The following USP12 variants were observed in gnomAD, a reference collection of about 807,000 sequenced individuals.
The protein encoded by USP12 is ubiquitin carboxyl-terminal hydrolase 12.
A neutral mutation model predicts 45.5 loss-of-function variants in USP12; 19 were observed. That is an observed-to-expected ratio of 0.42 (90% CI 0.29 to 0.61). The LOEUF is 0.61. Among genes scored for constraint, USP12 ranks in the 20% least tolerant of loss-of-function variants. The pLI is 0.22. For synonymous variants in USP12, 149 were observed against 148.8 expected, an observed-to-expected ratio of 1.00 and a Z score of -0.01; for missense variants, 242 against 447.7, an observed-to-expected ratio of 0.54 and a Z score of 4.15.
chr13:27,073,419 G>A (rs1000582291), intron 7 of USP12, among the ~76,000 whole-genome samples: 1 of 152,214 alleles, frequency 6.6e-6, no homozygotes, highest in Non-Finnish European at 1.5e-5. Context: ...TGACTGTGGA[G>A]TTCAAGTTGG....
At chr13:27,106,712 T>TA (rs57629989) in intron 2 of USP12, among the ~76,000 whole-genome samples, 2,493 of 152,014 alleles carry the variant, frequency 0.016, 38 homozygotes, top group African/African-American at 0.038. Flanking sequence ...TTATTTTTTT[T>TA]AAAAAAATGA....
At chr13:27,093,181 A>G (rs1454848376) in intron 4 of USP12, among the ~76,000 whole-genome samples, 2 of 151,676 alleles carry the variant, frequency 1.3e-5, no homozygotes, top group Non-Finnish European at 2.9e-5. Context: ...GCGAAACTCC[A>G]TCTCAAAAAA....
At chr13:27,125,399 G>C (rs140787450) in intron 1 of USP12, among the ~76,000 whole-genome samples, 12 of 152,298 alleles carry the variant, frequency 7.9e-5, no homozygotes, top group African/African-American at 2.6e-4. Flanking sequence ...TCACAACACA[G>C]GATGTACTAT....
In USP12 at chr13:27,069,179, G is replaced by T; in HGVS notation, c.*104C>A. ...TGTGCAAAGTGTGCTACTGCCCCCT[G>T]AGCTTCCTGCATTTCTCTTTTCTTG... On this transcript the variant is annotated 3_prime_UTR_variant, in exon 9 of 9. Transcript: ENST00000282344. 2.1e-6 allele frequency: 2 copies of T among 953,284 alleles called. No homozygotes were observed. The highest frequency in any genetic ancestry group is 1.3e-5 in the South Asian group (1 of 74,220). 59.1% of individuals were successfully genotyped at this position (953,284 alleles called of 1,614,324 possible).
At chr13:27,143,099 G>GAAA (rs55973953) in intron 1 of USP12, among the ~76,000 whole-genome samples, 2 of 143,382 alleles carry the variant, frequency 1.4e-5, no homozygotes, top group African/African-American at 2.6e-5. Context: ...CTCAAAAAAA[G>GAAA]AAAAAAAAAA....
chr13:27,171,795 G>A lies in USP12; in HGVS notation c.-156C>T. The A allele has an allele frequency of 4.1e-6, 1 of 244,854 alleles. No individual in the cohort carries two copies. The highest frequency in any genetic ancestry group is 6.5e-6 in the Non-Finnish European group (1 of 153,930). 15.2% of individuals were successfully genotyped at this position (244,854 alleles called of 1,614,324 possible). ...CTGGGCCGCCGCTGCCGTCGTCGCC[G>A]CCGGCGCTCAGGCACTCCCGGCCTC... On this transcript the variant is annotated 5_prime_UTR_variant, in exon 1 of 9. Coordinates refer to ENST00000282344, the MANE Select transcript of USP12 (RefSeq NM_182488.4).
intron 2 of USP12, among the ~76,000 whole-genome samples, chr13:27,115,406 T>C (rs1320414430): frequency 6.6e-6 from 1 of 152,146 alleles, no homozygotes; most frequent in Non-Finnish European, 1.5e-5. Context: ...GCACAGGGAA[T>C]CACACACATC....
At chr13:27,138,432 G>C (rs985661141) in intron 1 of USP12, among the ~76,000 whole-genome samples, 2 of 152,180 alleles carry the variant, frequency 1.3e-5, no homozygotes, top group Admixed American at 6.5e-5. Context: ...GCTGAGAGAT[G>C]GTGTATCCCC....
At chr13:27,171,256 C>T (rs1878590242) in intron 1 of USP12, among the ~76,000 whole-genome samples, 1 of 150,326 alleles carries the variant, frequency 6.7e-6, no homozygotes, top group African/African-American at 2.4e-5. Flanking sequence ...GCCCTCGTCC[C>T]CGCGTCCCGA....
At chr13:27,135,769 C>A (rs1321858621) in intron 1 of USP12, among the ~76,000 whole-genome samples, 2 of 152,094 alleles carry the variant, frequency 1.3e-5, no homozygotes, top group Non-Finnish European at 2.9e-5. Flanking sequence ...TACAAATCTG[C>A]TGCTATTATA....
chr13:27,105,075 C>T (rs1411219423), intron 3 of USP12, among the ~76,000 whole-genome samples: 1 of 152,216 alleles, frequency 6.6e-6, no homozygotes, highest in African/African-American at 2.4e-5. Context: ...GACGAATTAA[C>T]CTCTCTGAGC....
intron 1 of USP12, among the ~76,000 whole-genome samples, chr13:27,144,524 G>A (rs1397224936): frequency 6.9e-6 from 1 of 145,762 alleles, no homozygotes; most frequent in African/African-American, 2.5e-5. Flanking sequence ...AAAAAAAGGT[G>A]GTAGGTCAAC....
Position 27,069,166 on chromosome 13 carries a change from G to T in USP12, c.*117C>A. 1.3e-6 allele frequency: 1 copy of T among 791,936 alleles called. No individual in the cohort carries two copies. The highest frequency in any genetic ancestry group is 2.1e-6 in the Non-Finnish European group (1 of 468,078). 49.1% of individuals were successfully genotyped at this position (791,936 alleles called of 1,614,324 possible). ...CTTTGCTTTATCGTGTGCAAAGTGT[G>T]CTACTGCCCCCTGAGCTTCCTGCAT... is the stretch of plus-strand genomic sequence containing the variant. On this transcript the variant is annotated 3_prime_UTR_variant, in exon 9 of 9. Transcript: ENST00000282344.
At chr13:27,133,342 G>A (rs934256900) in intron 1 of USP12, among the ~76,000 whole-genome samples, 23 of 152,290 alleles carry the variant, frequency 1.5e-4, no homozygotes, top group African/African-American at 5.3e-4. Context: ...AACAAGAATA[G>A]TATTACTTCA....
rs1332560853 is a variant in USP12 at position 27,155,219 on chromosome 13, C to T, written c.48+16373G>A. On this transcript the variant is annotated intron_variant, in intron 1 of 8. Coordinates refer to ENST00000282344, the MANE Select transcript of USP12 (RefSeq NM_182488.4). ...GCCTCAGCCTCCCAAGTAGCTGGGA[C>T]TACAGGCGCGTGCCACCATGCCCGG... is the stretch of plus-strand genomic sequence containing the variant. Among the ~76,000 whole-genome samples, 3 of 151,662 alleles carry T rather than the reference C, an allele frequency of 2.0e-5. No individual in the cohort carries two copies. The East Asian group carries it at 5.8e-4, about 29-fold the overall frequency.
intron 6 of USP12, chr13:27,077,860 T>A (rs1873562169): frequency 1.3e-5 from 2 of 151,964 alleles, no homozygotes; most frequent in Non-Finnish European, 2.9e-5. Flanking sequence ...TTCAAACTTG[T>A]GGGGAGGGAG....
chr13:27,121,804 T>C (rs1876003661), intron 1 of USP12, among the ~76,000 whole-genome samples: 1 of 151,448 alleles, frequency 6.6e-6, no homozygotes, highest in Non-Finnish European at 1.5e-5. Flanking sequence ...GAGCTTGCAG[T>C]GAGCCGAGAT....
chr13:27,171,494 CTAGG>C, intron 1 of USP12, 94 bp downstream of exon 1: 1 of 288,620 alleles, frequency 3.5e-6, no homozygotes, highest in Non-Finnish European at 5.2e-6. Context: ...CGCCCCGGCG[CTAGG>C]CCCCGCGAGC....
intron 3 of USP12, among the ~76,000 whole-genome samples, chr13:27,097,181 AG>A (rs1425039841): frequency 3.3e-5 from 5 of 151,176 alleles, no homozygotes; most frequent in Admixed American, 2.0e-4. Context: ...AAAAAAAAAA[AG>A]CAGGCCAAGC....
Sources: gnomAD v4.1 joint callset for allele counts (sites outside exome capture counted in the v4.1 genomes callset) on GRCh38, gnomAD v4.1.1 for gene constraint, MANE v1.5 for transcripts, NCBI Gene and HGNC (gene_info 2026-07-23, HGNC 2026-07-21) for gene names.